Variants in COL25A1 observed in about 807,000 individuals in gnomAD.
The protein encoded by COL25A1 is collagen type XXV alpha 1 chain.
A neutral mutation model predicts 128.4 loss-of-function variants in COL25A1; 103 were observed. That is an observed-to-expected ratio of 0.80 (90% CI 0.68 to 0.94). The LOEUF (loss-of-function observed/expected upper bound fraction) is 0.94, where lower values mean the gene tolerates loss of function less well. COL25A1 is among the 40% of genes least tolerant of loss of function. COL25A1 has a pLI of 0.00. For missense variants in COL25A1, 745 were observed against 840.0 expected (o/e 0.89, Z 1.40); for synonymous variants, 279 against 277.2 (o/e 1.01, Z -0.06).
chr4:109,300,154 A>C (rs1725364655), intron 3 of COL25A1, among the ~76,000 whole-genome samples: 1 of 149,148 alleles, frequency 6.7e-6, no homozygotes, highest in African/African-American at 2.5e-5. Context: ...ACTAACATAA[A>C]CGTATGCCAA....
intron 6 of COL25A1, among the ~76,000 whole-genome samples, chr4:108,983,497 T>C (rs1753250262): frequency 6.6e-6 from 1 of 152,264 alleles, no homozygotes; most frequent in African/African-American, 2.4e-5. Flanking sequence ...GAAACATTGT[T>C]TGCCGGTCAG....
chr4:108,914,849 C>G (rs182155684), intron 13 of COL25A1, among the ~76,000 whole-genome samples: 13 of 152,146 alleles, frequency 8.5e-5, no homozygotes, highest in Admixed American at 2.6e-4. Flanking sequence ...GAGAATACTA[C>G]TAGAGACACT....
chr4:109,284,233 T>G (rs1723652886), intron 3 of COL25A1, among the ~76,000 whole-genome samples: 1 of 152,222 alleles, frequency 6.6e-6, no homozygotes, highest in African/African-American at 2.4e-5. Context: ...GAGACCAGCC[T>G]GGCCAACATG....
intron 5 of COL25A1, among the ~76,000 whole-genome samples, chr4:109,031,470 A>G (rs1447537696): frequency 2.6e-5 from 4 of 151,978 alleles, no homozygotes; most frequent in Non-Finnish European, 4.4e-5. Flanking sequence ...CCATTCCTAC[A>G]TTTTCTGTAG....
intron 3 of COL25A1, among the ~76,000 whole-genome samples, chr4:109,116,733 T>A (rs938159475): frequency 2.0e-5 from 3 of 152,032 alleles, no homozygotes; most frequent in African/African-American, 7.2e-5. Context: ...CTGTAATTAA[T>A]ATGCTAAGGG....
intron 10 of COL25A1, among the ~76,000 whole-genome samples, chr4:108,938,507 CTTTAAGGCTATGA>C (rs2125924757): frequency 6.6e-6 from 1 of 152,200 alleles, no homozygotes; most frequent in African/African-American, 2.4e-5. Context: ...GAGCCCAGGT[CTTTAAGGCTATGA>C]TGTGCTATGA....
chr4:109,070,667 C>T (rs527506829), intron 3 of COL25A1, among the ~76,000 whole-genome samples: 1 of 149,586 alleles, frequency 6.7e-6, no homozygotes, highest in Non-Finnish European at 1.5e-5. Flanking sequence ...GGTATAACTC[C>T]TAATGCTATC....
At chr4:109,290,711 T>C (rs896592954) in intron 3 of COL25A1, among the ~76,000 whole-genome samples, 6 of 152,206 alleles carry the variant, frequency 3.9e-5, no homozygotes, top group South Asian at 2.1e-4. Context: ...CTGGGCCACA[T>C]TGGAAGAATT....
At chr4:109,017,811 T>C (rs1376083063) in intron 5 of COL25A1, among the ~76,000 whole-genome samples, 4 of 152,162 alleles carry the variant, frequency 2.6e-5, no homozygotes, top group Non-Finnish European at 5.9e-5. Context: ...CTCTAAAAGG[T>C]ACTACCTCTG....
At chr4:109,054,096 TAAAC>T (rs1402852658) in intron 3 of COL25A1, among the ~76,000 whole-genome samples, 1 of 152,232 alleles carries the variant, frequency 6.6e-6, no homozygotes, top group East Asian at 1.9e-4. Flanking sequence ...AGGTGTTCAA[TAAAC>T]ATTAGCTCCC....
intron 3 of COL25A1, among the ~76,000 whole-genome samples, chr4:109,184,088 A>G (rs1015131130): frequency 2.0e-5 from 3 of 152,150 alleles, no homozygotes; most frequent in African/African-American, 7.2e-5. Flanking sequence ...GAAAGCATAC[A>G]TTAGTTTTCT....
intron 3 of COL25A1, among the ~76,000 whole-genome samples, chr4:109,061,685 A>G (rs959903385): frequency 6.6e-6 from 1 of 152,220 alleles, no homozygotes; most frequent in Non-Finnish European, 1.5e-5. Flanking sequence ...CCATTTAAAA[A>G]GACACTTGCA....
chr4:109,200,802 T>C (rs940244982), intron 3 of COL25A1, among the ~76,000 whole-genome samples: 3 of 152,142 alleles, frequency 2.0e-5, no homozygotes, highest in Admixed American at 6.5e-5. Flanking sequence ...TATTTCTCTA[T>C]GTGTAAGTAT....
chr4:109,067,548 T>C (rs1210906042), intron 3 of COL25A1, among the ~76,000 whole-genome samples: 1 of 152,246 alleles, frequency 6.6e-6, no homozygotes, highest in Non-Finnish European at 1.5e-5. Flanking sequence ...CTAAATTTTG[T>C]TTCATCGTGT....
chr4:109,178,094 T>C (rs1007848628), intron 3 of COL25A1, among the ~76,000 whole-genome samples: 2 of 152,254 alleles, frequency 1.3e-5, no homozygotes, highest in Non-Finnish European at 2.9e-5. Context: ...TTCAGTTATC[T>C]ACTTAAATAA....
At chr4:109,042,850 T>C (rs1760052996) in intron 5 of COL25A1, among the ~76,000 whole-genome samples, 1 of 152,066 alleles carries the variant, frequency 6.6e-6, no homozygotes, top group Non-Finnish European at 1.5e-5. Flanking sequence ...TTGTTTTGAG[T>C]AACTGGCAGT....
chr4:108,966,981 A>C (rs1578920828), intron 8 of COL25A1, among the ~76,000 whole-genome samples: 1 of 152,170 alleles, frequency 6.6e-6, no homozygotes, highest in East Asian at 1.9e-4. Context: ...AAGAAAGAAA[A>C]GTTTTATTAA....
chr4:109,132,137 G>C lies in COL25A1; in HGVS notation c.368-81958C>G, dbSNP rs114748098. Among the ~76,000 whole-genome samples, 1,104 of 152,274 alleles carry C rather than the reference G, an allele frequency of 7.3e-3. 7 individuals carry two copies. The highest frequency in any genetic ancestry group is 0.025 in the African/African-American group (1,058 of 41,544). ...AATGCATCAGTAAGAGTGTCACAGAGAGAGGGAATGCTTGGTGCCTACCCA... is the reference window on the plus strand; with the variant it reads ...AATGCATCAGTAAGAGTGTCACAGACAGAGGGAATGCTTGGTGCCTACCCA... On this transcript the variant is annotated intron_variant, in intron 3 of 37. Coordinates refer to ENST00000399132, the MANE Select transcript of COL25A1 (RefSeq NM_198721.4).
chr4:109,110,562 A>G (rs1766901230), intron 3 of COL25A1, among the ~76,000 whole-genome samples: 1 of 152,164 alleles, frequency 6.6e-6, no homozygotes. Flanking sequence ...CTCGAGGTCA[A>G]TATTACCAAT....
Sources: gnomAD v4.1 joint callset for allele counts (sites outside exome capture counted in the v4.1 genomes callset) on GRCh38, gnomAD v4.1.1 for gene constraint, MANE v1.5 for transcripts, NCBI Gene and HGNC (gene_info 2026-07-23, HGNC 2026-07-21) for gene names.